The following MAPKAP1 variants were observed in gnomAD, a reference collection of about 807,000 sequenced individuals.
MAPKAP1 encodes target of rapamycin complex 2 subunit MAPKAP1.
MAPKAP1 carries 20 observed loss-of-function variants against 65.7 expected under a neutral mutation model. That is an observed-to-expected ratio of 0.30 (90% CI 0.21 to 0.44). The LOEUF (loss-of-function observed/expected upper bound fraction) is 0.44. Among genes scored for constraint, MAPKAP1 ranks in the 20% least tolerant of loss-of-function variants. The pLI, the probability that MAPKAP1 is intolerant of heterozygous loss-of-function variation, is 1.00. For missense variants in MAPKAP1, 423 were observed against 648.0 expected, an observed-to-expected ratio of 0.65 and a Z score of 3.77; for synonymous variants, 222 against 244.3, an observed-to-expected ratio of 0.91 and a Z score of 0.85.
chr9:125,573,285 G>T (rs559295700), intron 5 of MAPKAP1, among the ~76,000 whole-genome samples: 1 of 152,284 alleles, frequency 6.6e-6, no homozygotes, highest in Non-Finnish European at 1.5e-5. Flanking sequence ...AAAACAGGTT[G>T]CAGTAAAGGA....
chr9:125,527,760 T>C (rs1220034082), intron 7 of MAPKAP1, among the ~76,000 whole-genome samples: 1 of 152,186 alleles, frequency 6.6e-6, no homozygotes, highest in Non-Finnish European at 1.5e-5. Context: ...TGTCTGCTTT[T>C]GGTATACTCC....
At chr9:125,633,168 A>G (rs1833334913) in intron 4 of MAPKAP1, among the ~76,000 whole-genome samples, 1 of 152,230 alleles carries the variant, frequency 6.6e-6, no homozygotes. Flanking sequence ...GACTTCATGA[A>G]AGAAGTGAGA....
chr9:125,526,600 A>C (rs964866928), intron 7 of MAPKAP1, among the ~76,000 whole-genome samples: 22 of 152,250 alleles, frequency 1.4e-4, no homozygotes, highest in African/African-American at 5.3e-4. Flanking sequence ...CTGACATCCA[A>C]CATGTTGAAA....
At chr9:125,649,942 G>A (rs557463909) in intron 4 of MAPKAP1, among the ~76,000 whole-genome samples, 14 of 152,148 alleles carry the variant, frequency 9.2e-5, no homozygotes, top group African/African-American at 3.1e-4. Flanking sequence ...TTATGGCCTC[G>A]TTCTTTGAGG....
chr9:125,630,548 A>C (rs1833250796), intron 4 of MAPKAP1, among the ~76,000 whole-genome samples: 1 of 152,186 alleles, frequency 6.6e-6, no homozygotes, highest in Non-Finnish European at 1.5e-5. Context: ...ATTATTTTAC[A>C]GATGAGGAAA....
chr9:125,703,173 C>T (rs1291961230), intron 1 of MAPKAP1, among the ~76,000 whole-genome samples: 2 of 152,082 alleles, frequency 1.3e-5, no homozygotes, highest in African/African-American at 2.4e-5. Flanking sequence ...AGTTTGGGCC[C>T]GTGCTCTCCA....
intron 6 of MAPKAP1, among the ~76,000 whole-genome samples, chr9:125,553,342 G>A (rs1362095981): frequency 6.6e-6 from 1 of 152,176 alleles, no homozygotes; most frequent in Non-Finnish European, 1.5e-5. Context: ...AGGACTTCGA[G>A]ACCAGCCTGG....
intron 4 of MAPKAP1, among the ~76,000 whole-genome samples, chr9:125,625,242 A>AC (rs1564589441): frequency 3.2e-5 from 2 of 62,004 alleles, no homozygotes; most frequent in African/African-American, 8.6e-5. Context: ...TCAATAAAAA[A>AC]AAAATAAATA....
intron 6 of MAPKAP1, among the ~76,000 whole-genome samples, chr9:125,548,469 C>T (rs974573076): frequency 1.3e-5 from 2 of 152,188 alleles, no homozygotes; most frequent in African/African-American, 4.8e-5. Flanking sequence ...CAGAAGGCAG[C>T]AGAGCACAGT....
chr9:125,606,014 A>C (rs1443994832), intron 4 of MAPKAP1, among the ~76,000 whole-genome samples: 1 of 152,254 alleles, frequency 6.6e-6, no homozygotes, highest in Non-Finnish European at 1.5e-5. Flanking sequence ...TGAAATTGAT[A>C]GGAATTCAAT....
At chr9:125,552,434 A>G (rs1246555023) in intron 6 of MAPKAP1, among the ~76,000 whole-genome samples, 3 of 152,232 alleles carry the variant, frequency 2.0e-5, no homozygotes, top group Non-Finnish European at 4.4e-5. Flanking sequence ...TCCCCTTTAA[A>G]AAATGTAAAT....
At chr9:125,558,715 G>A (rs1022922928) in intron 6 of MAPKAP1, among the ~76,000 whole-genome samples, 1 of 152,228 alleles carries the variant, frequency 6.6e-6, no homozygotes, top group Non-Finnish European at 1.5e-5. Flanking sequence ...TTAGGTTTGA[G>A]AGTAAAATCC....
chr9:125,693,850 C>T (rs1384969572), intron 1 of MAPKAP1, among the ~76,000 whole-genome samples: 12 of 149,498 alleles, frequency 8.0e-5, no homozygotes, highest in African/African-American at 2.2e-4. Flanking sequence ...CACACATACA[C>T]ACACACACAC....
chr9:125,707,207 A>C lies in MAPKAP1; in HGVS notation c.-306T>G. The C allele has an allele frequency of 2.5e-6, 1 of 397,834 alleles. No individual in the cohort carries two copies. Among genetic ancestry groups the C allele is most frequent in the East Asian group, 3.6e-5 (1 of 27,946 alleles). 24.6% of individuals were successfully genotyped at this position (397,834 alleles called of 1,614,324 possible). A position where few individuals can be genotyped will look rare whatever the true frequency, so the allele number is the denominator to read the frequency against. On this transcript the variant is annotated 5_prime_UTR_variant, in exon 1 of 12. Coordinates refer to ENST00000265960, the MANE Select transcript of MAPKAP1 (RefSeq NM_001006617.3). ...GCCCTATTACCCCGAGCCGCACACG[A>C]CCCGGAACCACACCCCGGCGTTCCG...
At chr9:125,458,794 C>T (rs1333545609) in intron 10 of MAPKAP1, among the ~76,000 whole-genome samples, 9 of 144,070 alleles carry the variant, frequency 6.2e-5, no homozygotes, top group South Asian at 2.3e-4. Flanking sequence ...AAGGGGCGGC[C>T]GGGCAGAGGC....
chr9:125,500,821 T>C (rs1277144091), intron 8 of MAPKAP1, among the ~76,000 whole-genome samples: 1 of 152,178 alleles, frequency 6.6e-6, no homozygotes. Context: ...AATCAACATT[T>C]TGAAACAGAA....
chr9:125,622,409 C>T (rs1221116488), intron 4 of MAPKAP1, among the ~76,000 whole-genome samples: 3 of 152,108 alleles, frequency 2.0e-5, no homozygotes, highest in Non-Finnish European at 4.4e-5. Flanking sequence ...TATGTACCCC[C>T]ATAAATATGT....
intron 4 of MAPKAP1, chr9:125,596,072 C>A: frequency 8.9e-7 from 1 of 1,123,398 alleles, no homozygotes; most frequent in Non-Finnish European, 1.3e-6. Context: ...TGATTGAAAT[C>A]ACGACTGACC....
intron 1 of MAPKAP1, among the ~76,000 whole-genome samples, chr9:125,706,761 T>A (rs190114226): frequency 0.02 from 2,999 of 151,816 alleles, 157 homozygotes; most frequent in East Asian, 0.15. Context: ...GCTGGCTTCT[T>A]TTCCCCTAAA....
Sources: gnomAD v4.1 joint callset for allele counts (sites outside exome capture counted in the v4.1 genomes callset) on GRCh38, gnomAD v4.1.1 for gene constraint, MANE v1.5 for transcripts, NCBI Gene and HGNC (gene_info 2026-07-23, HGNC 2026-07-21) for gene names.